RSL1D1: variants seen among roughly 807,000 people sequenced by gnomAD.
The protein encoded by RSL1D1 is ribosomal L1 domain containing 1.
Under a neutral mutation model 44.6 loss-of-function variants are expected in RSL1D1, and 34 were observed. That is an observed-to-expected ratio of 0.76 (90% CI 0.58 to 1.02). The LOEUF (loss-of-function observed/expected upper bound fraction) is 1.02, where lower values mean the gene tolerates loss of function less well. RSL1D1 is among the 50% of genes least tolerant of loss of function. The pLI, the probability that RSL1D1 is intolerant of heterozygous loss-of-function variation, is 0.00. For missense variants in RSL1D1, 767 were observed against 568.1 expected, an observed-to-expected ratio of 1.35 and a Z score of -3.56; for synonymous variants, 271 against 207.4, an observed-to-expected ratio of 1.31 and a Z score of -2.63.
chr16:11,839,651 C>G, intron 8 of RSL1D1, 44 bp downstream of exon 8: 1 of 1,602,506 alleles, frequency 6.2e-7, no homozygotes, highest in Non-Finnish European at 8.5e-7. Context: ...GACACAGTAG[C>G]CACTGAACCA....
At chr16:11,850,235 A>C (rs1002161564) in intron 2 of RSL1D1, 44 bp downstream of exon 2, 1 of 1,530,570 alleles carries the variant, frequency 6.5e-7, no homozygotes, top group African/African-American at 1.4e-5. Flanking sequence ...TACAAAGAAT[A>C]AACACACAGA....
At chr16:11,841,614 C>T (rs1192273012) in intron 7 of RSL1D1, 81 bp downstream of exon 7, 15 of 1,324,710 alleles carry the variant, frequency 1.1e-5, no homozygotes, top group African/African-American at 7.4e-5. Flanking sequence ...AGTCGGGCAG[C>T]GATGATGGTC....
chr16:11,843,849 C>A (rs1473522024), intron 5 of RSL1D1, among the ~76,000 whole-genome samples: 1 of 112,166 alleles, frequency 8.9e-6, no homozygotes, highest in South Asian at 2.8e-4. Flanking sequence ...CTAGCCTGGG[C>A]GACAGAGCAA....
rs764730312 is a variant in RSL1D1 at position 11,850,319 on chromosome 16, C to T, written c.205G>A (p.Val69Ile). Residue 69 changes from valine to isoleucine, a missense_variant, in exon 2 of 9, where the codon GTA becomes ATA. Val to Ile is a conservative substitution (Grantham distance 29, BLOSUM62 3). Transcript: ENST00000571133. The stretch of plus-strand genomic sequence containing the variant: ...TCTTTACTTGGAATTTTCCATAATA[C>T]CACCATTAAAAATAAACTTTCATTC... Reference protein sequence around the residue: ...NENESLFLMVVLWKIPSKELR... With the variant: ...NENESLFLMVILWKIPSKELR... The T allele has an allele frequency of 3.1e-6, 5 of 1,591,778 alleles. No homozygotes were observed. The African/African-American group carries it at 6.8e-5, about 22-fold the overall frequency.
At position 11,850,274 on chromosome 16, in the gene RSL1D1, C is replaced by T. The variant is rs371952620; in HGVS notation, c.245+5G>A. On this transcript the variant is annotated splice_donor_5th_base_variant and intron_variant, in intron 2 of 8. Coordinates refer to ENST00000571133, the MANE Select transcript of RSL1D1 (RefSeq NM_015659.3). ...AAACAGCAAAGGTAGAAAATCACAA[C>T]TTACAATCTGACCCTCAGTTCTTTA... 1 of 1,568,256 alleles carries T rather than the reference C, an allele frequency of 6.4e-7. No individual in the cohort carries two copies. Among genetic ancestry groups the T allele is most frequent in the Non-Finnish European group, 8.6e-7 (1 of 1,165,230 alleles).
chr16:11,838,238 T>C lies in RSL1D1; in HGVS notation c.1147-125A>G, dbSNP rs2053736134. On this transcript the variant is annotated intron_variant, in intron 8 of 8. Coordinates refer to ENST00000571133, the MANE Select transcript of RSL1D1 (RefSeq NM_015659.3). The stretch of plus-strand genomic sequence containing the variant: ...GACTGAGTTTCGCTCTTGCTGCCCA[T>C]GCTAGAGTGCAATGGCACAATCTCA... 3 of 797,352 alleles carry C rather than the reference T, an allele frequency of 3.8e-6. No individual in the cohort carries two copies. The South Asian group carries it at 6.1e-5, about 16-fold the overall frequency. The allele number at this position is 797,352 out of a possible 1,614,324, so 49.4% of individuals were successfully genotyped here. A position where few individuals can be genotyped will look rare whatever the true frequency, so the allele number is the denominator to read the frequency against.
intron 8 of RSL1D1, 73 bp downstream of exon 8, chr16:11,839,622 C>T: frequency 6.5e-7 from 1 of 1,546,152 alleles, no homozygotes; most frequent in African/African-American, 1.4e-5. Flanking sequence ...TCATTTATTG[C>T]TCAGCACAGT....
chr16:11,846,413 CA>C (rs1408792694), intron 5 of RSL1D1, 87 bp downstream of exon 5: 12 of 745,004 alleles, frequency 1.6e-5, no homozygotes, highest in East Asian at 1.4e-4. Flanking sequence ...AAAACAAAAA[CA>C]AAAAACAAAA....
chr16:11,849,987 C>G (rs2141256234), intron 2 of RSL1D1, among the ~76,000 whole-genome samples: 2 of 152,290 alleles, frequency 1.3e-5, no homozygotes, highest in South Asian at 2.1e-4. Flanking sequence ...GCCATCATGC[C>G]TGGCTAATTT....
At chr16:11,847,537 G>C in intron 3 of RSL1D1, 131 bp downstream of exon 3, 1 of 777,502 alleles carries the variant, frequency 1.3e-6, no homozygotes, top group Non-Finnish European at 2.1e-6. Flanking sequence ...TGATGTACAC[G>C]CCACCACAAA....
chr16:11,838,407 C>T (rs1299353524), intron 8 of RSL1D1, among the ~76,000 whole-genome samples: 1 of 151,972 alleles, frequency 6.6e-6, no homozygotes, highest in African/African-American at 2.4e-5. Flanking sequence ...AGGTGATCCA[C>T]CTGCCTCGGC....
intron 5 of RSL1D1, among the ~76,000 whole-genome samples, chr16:11,843,177 C>T (rs1450138765): frequency 6.6e-6 from 1 of 151,258 alleles, no homozygotes; most frequent in Non-Finnish European, 1.5e-5. Context: ...TCAGGTGATC[C>T]GCCTGCCTCG....
chr16:11,846,578 C>G lies in RSL1D1; in HGVS notation c.558G>C (p.Leu186=). The G allele has an allele frequency of 1.2e-6, 2 of 1,609,500 alleles. No homozygotes were observed. The highest frequency in any genetic ancestry group is 8.5e-7 in the Non-Finnish European group (1 of 1,177,400). Residue 186 remains leucine (L), a synonymous_variant, in exon 5 of 9, where the codon CTG becomes CTC. Coordinates refer to ENST00000571133, the MANE Select transcript of RSL1D1 (RefSeq NM_015659.3). ...RKKVPVSVNL[L]SKNLSREIND... is the part of the protein sequence containing the mutation. ...TGATCTCTCTTGATAAATTCTTGGACAGAAGGTTTACAGATACTGGAACTC... is the reference window on the plus strand; with the variant it reads ...TGATCTCTCTTGATAAATTCTTGGAGAGAAGGTTTACAGATACTGGAACTC...
chr16:11,845,201 T>G (rs1285674890), intron 5 of RSL1D1, among the ~76,000 whole-genome samples: 1 of 152,154 alleles, frequency 6.6e-6, no homozygotes, highest in East Asian at 1.9e-4. Context: ...GCCTATAATC[T>G]CAACACTTTT....
chr16:11,847,540 A>G, intron 3 of RSL1D1, 128 bp downstream of exon 3: 1 of 807,466 alleles, frequency 1.2e-6, no homozygotes, highest in Non-Finnish European at 2.0e-6. Flanking sequence ...TGTACACGCC[A>G]CCACAAATTA....
At chr16:11,840,216 A>G (rs921295329) in intron 7 of RSL1D1, among the ~76,000 whole-genome samples, 1 of 152,192 alleles carries the variant, frequency 6.6e-6, no homozygotes, top group African/African-American at 2.4e-5. Flanking sequence ...GAATCTGACT[A>G]TCTAAAGTAT....
intron 4 of RSL1D1, 25 bp downstream of exon 4, chr16:11,846,670 G>C (rs1434766167): frequency 2.5e-6 from 4 of 1,613,294 alleles, no homozygotes; most frequent in Non-Finnish European, 3.4e-6. Flanking sequence ...TGCTGCTAAA[G>C]TCCAGTCATT....
At chr16:11,838,251 T>C (rs1040546831) in intron 8 of RSL1D1, 138 bp from the exon 9 acceptor site, 43 of 707,456 alleles carry the variant, frequency 6.1e-5, no homozygotes, top group Non-Finnish European at 8.4e-5. Context: ...TAGAGTGCAA[T>C]GGCACAATCT....
chr16:11,838,212 A>T (rs1172940310), intron 8 of RSL1D1, 99 bp from the exon 9 acceptor site: 25 of 1,093,852 alleles, frequency 2.3e-5, no homozygotes, highest in Non-Finnish European at 3.1e-5. Context: ...TTTATTTTTC[A>T]GACTGAGTTT....
Sources: gnomAD v4.1 joint callset for allele counts (sites outside exome capture counted in the v4.1 genomes callset) on GRCh38, gnomAD v4.1.1 for gene constraint, MANE v1.5 for transcripts, NCBI Gene and HGNC (gene_info 2026-07-23, HGNC 2026-07-21) for gene names.